UNC13C: variants seen among roughly 807,000 people sequenced by gnomAD.
UNC13C encodes the protein protein unc-13 homolog C.
In UNC13C, 174 loss-of-function variants were observed where a neutral mutation model predicts 245.4. That is an observed-to-expected ratio of 0.71 (90% confidence interval 0.63 to 0.80). The LOEUF (loss-of-function observed/expected upper bound fraction) is 0.80. UNC13C is among the 30% of genes least tolerant of loss of function. The pLI, the probability that UNC13C is intolerant of heterozygous loss-of-function variation, is 0.00. For missense variants in UNC13C, 2,829 were observed against 2,602.9 expected, an observed-to-expected ratio of 1.09 and a Z score of -1.89; for synonymous variants, 992 against 895.1, an observed-to-expected ratio of 1.11 and a Z score of -1.93.
At chr15:54,108,908 T>C (rs1204500578) in intron 2 of UNC13C, among the ~76,000 whole-genome samples, 2 of 152,180 alleles carry the variant, frequency 1.3e-5, no homozygotes, top group Non-Finnish European at 2.9e-5. Flanking sequence ...TTCCTTGTAG[T>C]TGTTCCATCT....
intron 24 of UNC13C, among the ~76,000 whole-genome samples, chr15:54,515,517 T>TTTGTATTAATGATA (rs1894931510): frequency 6.6e-6 from 1 of 152,194 alleles, no homozygotes; most frequent in Non-Finnish European, 1.5e-5. Flanking sequence ...TAATTTGTAA[T>TTTGTATTAATGATA]CTAATATATA....
At chr15:54,237,343 G>A (rs7183523) in intron 6 of UNC13C, among the ~76,000 whole-genome samples, 2,423 of 152,124 alleles carry the variant, frequency 0.016, 74 homozygotes, top group African/African-American at 0.057. Context: ...TGAGGGGGCT[G>A]GTCATCTTAA....
chr15:53,993,957 A>T (rs369845590), intron 1 of UNC13C, among the ~76,000 whole-genome samples: 4 of 152,034 alleles, frequency 2.6e-5, no homozygotes, highest in East Asian at 1.9e-4. Context: ...GGAGCTTTTG[A>T]TGGATAGACA....
intron 19 of UNC13C, among the ~76,000 whole-genome samples, chr15:54,418,174 C>G (rs978140855): frequency 3.9e-5 from 6 of 152,080 alleles, no homozygotes; most frequent in African/African-American, 1.4e-4. Context: ...AGCCTCAATC[C>G]TTACCCAAAG....
intron 18 of UNC13C, among the ~76,000 whole-genome samples, chr15:54,399,114 A>G (rs1381117741): frequency 1.3e-5 from 2 of 151,586 alleles, no homozygotes; most frequent in Non-Finnish European, 3.0e-5. Flanking sequence ...AAATGCACTG[A>G]GTGGAGTGTT....
chr15:53,985,281 A>G lies in UNC13C; in HGVS notation c.-257+6354A>G, dbSNP rs567340254. On this transcript the variant is annotated intron_variant, in intron 1 of 32. Transcript: ENST00000260323. ...GTCCCTGCAAAGTACATGAACTCAT[A>G]CTTTTTTATGGCTGCATAGTATTCC... Among the ~76,000 whole-genome samples the G allele has an allele frequency of 4.0e-5, 6 of 149,064 alleles. No homozygotes were observed. In the South Asian group the frequency reaches 1.3e-3, roughly 32 times the overall value.
intron 10 of UNC13C, among the ~76,000 whole-genome samples, chr15:54,289,665 C>G: frequency 6.6e-6 from 1 of 152,084 alleles, no homozygotes; most frequent in Non-Finnish European, 1.5e-5. Flanking sequence ...GTACTAGCTT[C>G]TGAAGCTACT....
intron 2 of UNC13C, among the ~76,000 whole-genome samples, chr15:54,122,938 G>A (rs965987057): frequency 6.6e-6 from 1 of 151,984 alleles, no homozygotes; most frequent in South Asian, 2.1e-4. Context: ...GTATTCATGT[G>A]AACATGTATT....
intron 26 of UNC13C, among the ~76,000 whole-genome samples, chr15:54,543,136 C>G (rs1042976118): frequency 6.6e-6 from 1 of 152,116 alleles, no homozygotes; most frequent in Non-Finnish European, 1.5e-5. Context: ...GTGGCTGATA[C>G]CAGGTTTTCC....
chr15:54,141,597 A>T (rs1229222729), intron 2 of UNC13C, among the ~76,000 whole-genome samples: 1 of 152,034 alleles, frequency 6.6e-6, no homozygotes, highest in Non-Finnish European at 1.5e-5. Context: ...GAAAATTAAG[A>T]TATATATTTT....
At chr15:54,093,669 A>G (rs898587159) in intron 2 of UNC13C, among the ~76,000 whole-genome samples, 1 of 152,240 alleles carries the variant, frequency 6.6e-6, no homozygotes, top group African/African-American at 2.4e-5. Flanking sequence ...GGGTTCTTCT[A>G]CAATAATTTA....
chr15:54,001,145 A>G (rs1894868373), intron 1 of UNC13C, among the ~76,000 whole-genome samples: 1 of 152,204 alleles, frequency 6.6e-6, no homozygotes, highest in Admixed American at 6.5e-5. Flanking sequence ...TGATAAATTT[A>G]TTACTTTTTT....
At chr15:54,249,788 G>A (rs192405027) in intron 7 of UNC13C, among the ~76,000 whole-genome samples, 29 of 152,314 alleles carry the variant, frequency 1.9e-4, no homozygotes, top group African/African-American at 7.0e-4. Flanking sequence ...CAAATTTCCT[G>A]CAGATTGAAT....
intron 30 of UNC13C, among the ~76,000 whole-genome samples, chr15:54,574,348 CA>C (rs1897874196): frequency 6.6e-6 from 1 of 152,044 alleles, no homozygotes; most frequent in African/African-American, 2.4e-5. Context: ...GCATTACTTA[CA>C]GTTTTAGAAG....
chr15:54,432,467 C>T (rs566465213), intron 19 of UNC13C, among the ~76,000 whole-genome samples: 1 of 151,672 alleles, frequency 6.6e-6, no homozygotes, highest in East Asian at 2.0e-4. Context: ...GCACAACTAC[C>T]TGGAAACTGA....
intron 2 of UNC13C, among the ~76,000 whole-genome samples, chr15:54,113,178 A>T (rs1353795116): frequency 1.3e-5 from 2 of 152,114 alleles, no homozygotes; most frequent in Non-Finnish European, 2.9e-5. Flanking sequence ...TATTGCATGT[A>T]AAGTCTGTCA....
chr15:54,412,205 GA>G (rs140131665), intron 18 of UNC13C, among the ~76,000 whole-genome samples: 13 of 141,358 alleles, frequency 9.2e-5, no homozygotes, highest in Non-Finnish European at 1.1e-4. Context: ...GACTTCATCT[GA>G]AAAAAAAAAC....
At chr15:54,337,199 G>A (rs2038602875) in intron 16 of UNC13C, among the ~76,000 whole-genome samples, 2 of 152,078 alleles carry the variant, frequency 1.3e-5, no homozygotes, top group Admixed American at 6.5e-5. Context: ...TCATTTGTCT[G>A]TTGTCACAGA....
chr15:54,479,774 A>G (rs1037461164), intron 19 of UNC13C, among the ~76,000 whole-genome samples: 4 of 151,084 alleles, frequency 2.6e-5, no homozygotes, highest in East Asian at 1.9e-4. Flanking sequence ...TGTTTTCATT[A>G]TGGTAGATAT....
Sources: gnomAD v4.1 joint callset for allele counts (sites outside exome capture counted in the v4.1 genomes callset) on GRCh38, gnomAD v4.1.1 for gene constraint, MANE v1.5 for transcripts, NCBI Gene and HGNC (gene_info 2026-07-23, HGNC 2026-07-21) for gene names.